NEDD4L: variants seen among roughly 807,000 people sequenced by gnomAD.
The protein encoded by NEDD4L is E3 ubiquitin-protein ligase NEDD4-like.
Under a neutral mutation model 148.9 loss-of-function variants are expected in NEDD4L, and 54 were observed. The observed-to-expected ratio is 0.36, with a 90% CI of 0.29 to 0.45. The LOEUF is 0.45. Ranked by LOEUF, NEDD4L falls within the 20% of genes least tolerant of loss-of-function variation. The pLI is 1.00. For synonymous variants in NEDD4L, 433 were observed against 440.7 expected (o/e 0.98, Z 0.22); for missense variants, 856 against 1,233.8 (o/e 0.69, Z 4.59).
At chr18:58,104,878 A>G (rs1227931058) in intron 1 of NEDD4L, among the ~76,000 whole-genome samples, 2 of 136,982 alleles carry the variant, frequency 1.5e-5, no homozygotes, top group Non-Finnish European at 3.1e-5. Flanking sequence ...CCACCCCCCA[A>G]ACACATCCCA....
At chr18:58,118,993 T>C (rs2086045597) in intron 1 of NEDD4L, among the ~76,000 whole-genome samples, 1 of 152,120 alleles carries the variant, frequency 6.6e-6, no homozygotes, top group Admixed American at 6.6e-5. Context: ...AGGCCCGGGG[T>C]CATCCCAAAG....
In NEDD4L at chr18:58,333,911, C is replaced by T; in HGVS notation, c.1065+19C>T. ...ACCACCGGTAACCCATGCTAATTTC[C>T]AGTCATCAGTTGACTTTTTGGGCTT... On this transcript the variant is annotated intron_variant, in intron 12 of 30. Transcript: ENST00000400345. The T allele has an allele frequency of 6.3e-7, 1 of 1,584,116 alleles. No individual in the cohort carries two copies. The highest frequency in any genetic ancestry group is 1.7e-5 in the Admixed American group (1 of 57,648).
At chr18:58,195,564 C>T (rs758416044) in intron 2 of NEDD4L, 1 of 1,339,078 alleles carries the variant, frequency 7.5e-7, no homozygotes, top group Non-Finnish European at 9.8e-7. Flanking sequence ...GGTGCCTCCC[C>T]AGCACGGCAC....
chr18:58,294,964 T>G (rs549909764), intron 5 of NEDD4L, among the ~76,000 whole-genome samples: 1 of 152,334 alleles, frequency 6.6e-6, no homozygotes, highest in African/African-American at 2.4e-5. Context: ...ACTTTATTTT[T>G]TTGGAGCAGT....
intron 5 of NEDD4L, among the ~76,000 whole-genome samples, chr18:58,294,146 A>G (rs1247020269): frequency 6.6e-6 from 1 of 152,186 alleles, no homozygotes; most frequent in Non-Finnish European, 1.5e-5. Context: ...TAAGGAATCG[A>G]TATCACGGAA....
chr18:58,066,649 C>A (rs1393103560), intron 1 of NEDD4L, among the ~76,000 whole-genome samples: 1 of 152,088 alleles, frequency 6.6e-6, no homozygotes, highest in Non-Finnish European at 1.5e-5. Flanking sequence ...TAACGACATA[C>A]ATGAGACTGC....
At chr18:58,192,301 A>G (rs1265197932) in intron 2 of NEDD4L, among the ~76,000 whole-genome samples, 1 of 152,228 alleles carries the variant, frequency 6.6e-6, no homozygotes, top group Non-Finnish European at 1.5e-5. Context: ...TGCATTGTTC[A>G]AGATCAGAAA....
chr18:58,313,510 G>A (rs1443423696), intron 5 of NEDD4L, among the ~76,000 whole-genome samples: 1 of 152,222 alleles, frequency 6.6e-6, no homozygotes, highest in Non-Finnish European at 1.5e-5. Flanking sequence ...CCAGCATCCA[G>A]TCAGAAGCCC....
At chr18:58,082,079 A>AATATATATATATAT (rs72331379) in intron 1 of NEDD4L, among the ~76,000 whole-genome samples, 1 of 89,980 alleles carries the variant, frequency 1.1e-5, no homozygotes, top group African/African-American at 5.8e-5. Flanking sequence ...CTTTCTGATG[A>AATATATATATATAT]ATATATATAT....
At chr18:58,259,008 T>C (rs922371215) in intron 5 of NEDD4L, among the ~76,000 whole-genome samples, 1 of 152,202 alleles carries the variant, frequency 6.6e-6, no homozygotes, top group Non-Finnish European at 1.5e-5. Flanking sequence ...CATGAAAAAT[T>C]AGCTAGAATC....
At chr18:58,370,576 C>A in intron 23 of NEDD4L, 109 bp downstream of exon 23, 1 of 738,508 alleles carries the variant, frequency 1.4e-6, no homozygotes, top group South Asian at 1.5e-5. Context: ...GTGTTGCATT[C>A]CATGTGAACA....
intron 5 of NEDD4L, among the ~76,000 whole-genome samples, chr18:58,277,411 C>T (rs17064650): frequency 0.069 from 10,482 of 152,116 alleles, 1,165 homozygotes; most frequent in African/African-American, 0.24. Flanking sequence ...CAGATGAGTG[C>T]TTGGCAGGTT....
intron 1 of NEDD4L, among the ~76,000 whole-genome samples, chr18:58,083,594 A>T (rs776900178): frequency 6.6e-6 from 1 of 152,146 alleles, no homozygotes; most frequent in Non-Finnish European, 1.5e-5. Context: ...AGGCTGAGGC[A>T]GGAGAATGGC....
Position 58,072,653 on chromosome 18 carries a change from C to T in NEDD4L, c.48+27945C>T, listed in dbSNP as rs551889112. Among the ~76,000 whole-genome samples the T allele has an allele frequency of 2.0e-5, 3 of 152,252 alleles. No homozygotes were observed. The East Asian group carries it at 5.8e-4, about 29-fold the overall frequency. On this transcript the variant is annotated intron_variant, in intron 1 of 30. Coordinates refer to ENST00000400345, the MANE Select transcript of NEDD4L (RefSeq NM_001144967.3). ...ATGGTGAGAAATTGCATGCTTTCTC[C>T]TAAGATTATGAGTGAGACAAGGATA...
chr18:58,156,754 C>T (rs918711229), intron 1 of NEDD4L, among the ~76,000 whole-genome samples: 2 of 152,134 alleles, frequency 1.3e-5, no homozygotes, highest in African/African-American at 2.4e-5. Context: ...CTCATCTGCT[C>T]TCCTGCATGC....
intron 2 of NEDD4L, among the ~76,000 whole-genome samples, chr18:58,210,361 A>G (rs2042479340): frequency 6.6e-6 from 1 of 152,224 alleles, no homozygotes; most frequent in East Asian, 1.9e-4. Context: ...TGAATAGACC[A>G]ATTACTATAG....
At position 58,256,294 on chromosome 18, in the gene NEDD4L, C is replaced by T. The variant is rs2048551759; in HGVS notation, c.297+4240C>T. The T allele has an allele frequency of 1.5e-5, 18 of 1,231,530 alleles. No homozygotes were observed. Among genetic ancestry groups the T allele is most frequent in the Admixed American group, 4.2e-5 (1 of 23,688 alleles). The allele number at this position is 1,231,530 out of a possible 1,614,324, so 76.3% of individuals were successfully genotyped here. A position where few individuals can be genotyped will look rare whatever the true frequency, so the allele number is the denominator to read the frequency against. The stretch of plus-strand genomic sequence containing the variant: ...GCCCCGATGGCCAGGGCGGCCCGGC[C>T]GCGGCAGAGCCCAGGCGCTGGTCCC... On this transcript the variant is annotated intron_variant, in intron 5 of 30. Coordinates refer to ENST00000400345, the MANE Select transcript of NEDD4L (RefSeq NM_001144967.3). The surrounding 1 kb of genome is among the most constrained non-coding windows in gnomAD (Gnocchi z 5.2).
rs763660568 is a variant in NEDD4L, at chr18:58,343,032, G to A, written c.1504G>A (p.Gly502Ser). 7.4e-6 allele frequency: 12 copies of A among 1,613,314 alleles called. No homozygotes were observed. The highest frequency in any genetic ancestry group is 4.0e-5 in the African/African-American group (3 of 74,896). The change falls in exon 16 of 31, where the codon GGC (glycine) becomes AGC (serine). Residue 502 changes from glycine (G) to serine (S), a missense_variant. This residue lies in a region of NEDD4L where 367 missense variants were observed against 422.7 expected (regional missense o/e 0.87). Coordinates refer to ENST00000400345, the MANE Select transcript of NEDD4L (RefSeq NM_001144967.3). The part of the protein sequence containing the change: ...HKVTQSFLPP[G>S]WEMRIAPNGR... ...AGTCACACAGAGCTTCTTGCCACCC[G>A]GCTGGGAAATGAGGATAGCGCCAAA...
chr18:58,266,758 T>G (rs139148702), intron 5 of NEDD4L, among the ~76,000 whole-genome samples: 1 of 152,260 alleles, frequency 6.6e-6, no homozygotes, highest in South Asian at 2.1e-4. Context: ...GATGTGACTT[T>G]GGAGTGATTT....
Sources: gnomAD v4.1 joint callset for allele counts (sites outside exome capture counted in the v4.1 genomes callset) on GRCh38, gnomAD v4.1.1 for gene constraint, gnomAD v4.1.1 regional missense constraint, Gnocchi (gnomAD v3.1) non-coding constraint, MANE v1.5 for transcripts, NCBI Gene and HGNC (gene_info 2026-07-23, HGNC 2026-07-21) for gene names.